Variants in MED13L observed in about 807,000 individuals in gnomAD.
MED13L encodes the protein mediator complex subunit 13L.
In MED13L, 7 loss-of-function variants were observed where a neutral mutation model predicts 220.9. The observed-to-expected ratio is 0.03, with a 90% CI of 0.02 to 0.06. The LOEUF is 0.06. MED13L is among the 10% of genes least tolerant of loss of function. The pLI is 1.00. For missense variants in MED13L, 1,965 were observed against 2,760.5 expected (o/e 0.71, Z 6.46); for synonymous variants, 1,011 against 1,015.2 (o/e 1.00, Z 0.08).
intron 2 of MED13L, among the ~76,000 whole-genome samples, chr12:116,114,242 G>T (rs1451133082): frequency 6.6e-6 from 1 of 152,166 alleles, no homozygotes; most frequent in Non-Finnish European, 1.5e-5. Context: ...GACCTTGTCA[G>T]AGGATGTCAA....
chr12:116,089,171 C>T (rs1237885817), intron 4 of MED13L, among the ~76,000 whole-genome samples: 3 of 152,154 alleles, frequency 2.0e-5, no homozygotes, highest in Admixed American at 6.5e-5. Context: ...TTTAAATCTT[C>T]TTTTAAAATC....
At chr12:116,228,421 A>T (rs982396044) in intron 2 of MED13L, among the ~76,000 whole-genome samples, 2 of 152,224 alleles carry the variant, frequency 1.3e-5, no homozygotes, top group Admixed American at 1.3e-4. Context: ...GGCTCAAGTA[A>T]TCCTCCCACC....
At chr12:115,978,649 G>T (rs1239940834) in intron 23 of MED13L, among the ~76,000 whole-genome samples, 1 of 152,122 alleles carries the variant, frequency 6.6e-6, no homozygotes, top group Non-Finnish European at 1.5e-5. Context: ...TTTTTAAAAA[G>T]AATTTCGTGA....
chr12:116,040,536 T>C (rs559104794), intron 4 of MED13L, among the ~76,000 whole-genome samples: 2 of 152,298 alleles, frequency 1.3e-5, no homozygotes, highest in East Asian at 1.9e-4. Context: ...TCAGTAGTCA[T>C]TGCCTTTCTT....
chr12:116,067,034 T>C lies in MED13L; in HGVS notation c.479+29635A>G, dbSNP rs190546709. On this transcript the variant is annotated intron_variant, in intron 4 of 30. Transcript: ENST00000281928. ...AGAAAATGATGAATGTTTCTGCGAG[T>C]GGAAATAATTGTGGAGGACAAAGTG... is the stretch of plus-strand genomic sequence containing the variant. Among the ~76,000 whole-genome samples, 524 of 151,674 alleles carry C rather than the reference T, an allele frequency of 3.5e-3. 3 individuals are homozygous for C. The highest frequency in any genetic ancestry group is 5.3e-3 in the Non-Finnish European group (363 of 67,912).
intron 4 of MED13L, among the ~76,000 whole-genome samples, chr12:116,061,526 CATAAAATAAG>C (rs1303341758): frequency 2.0e-5 from 3 of 152,100 alleles, no homozygotes; most frequent in African/African-American, 4.8e-5. Context: ...GATATATAAA[CATAAAATAAG>C]ATAAAATAAG....
chr12:116,091,770 T>C (rs1872235772), intron 4 of MED13L, among the ~76,000 whole-genome samples: 1 of 152,266 alleles, frequency 6.6e-6, no homozygotes, highest in African/African-American at 2.4e-5. Context: ...ATAGTCTTTA[T>C]AGTACATGTT....
chr12:115,970,523 GC>G, intron 27 of MED13L, 70 bp downstream of exon 27: 1 of 1,507,280 alleles, frequency 6.6e-7, no homozygotes, highest in Non-Finnish European at 9.2e-7. Context: ...CCATGCGGCA[GC>G]CCAGTGATTC....
intron 19 of MED13L, among the ~76,000 whole-genome samples, chr12:115,984,895 AG>A (rs1877582674): frequency 6.6e-6 from 1 of 152,074 alleles, no homozygotes; most frequent in African/African-American, 2.4e-5. Context: ...AAATAGGACA[AG>A]GAGATTCTGC....
chr12:115,983,458 T>A lies in MED13L; in HGVS notation c.4614A>T (p.Gly1538=). 6.2e-7 allele frequency: 1 copy of A among 1,614,188 alleles called. No individual in the cohort carries two copies. Reference sequence around the variant, plus strand: ...GCCCAGCATTCCCTGGCGTAGCTTGTCCCTGTGCTGCTGCTGGTGGGGTCT... The same window carrying A: ...GCCCAGCATTCCCTGGCGTAGCTTGACCCTGTGCTGCTGCTGGTGGGGTCT... The part of the protein sequence containing the change: ...KYQTPPAAAQ[G]QATPGNAGPL... The change falls in exon 21 of 31, where the codon GGA becomes GGT. Residue 1538 remains glycine (G), a synonymous_variant. Transcript: ENST00000281928.
chr12:116,031,751 AAAAGAAAAGAAGGAAGGAAGG>A lies in MED13L; in HGVS notation c.480-9171_480-9151del, dbSNP rs1880830073. Among the ~76,000 whole-genome samples, 10 of 31,946 alleles carry A rather than the reference AAAAGAAAAGAAGGAAGGAAGG, an allele frequency of 3.1e-4. No individual in the cohort carries two copies. The South Asian group carries it at 3.3e-3, about 11-fold the overall frequency. 21.0% of individuals were successfully genotyped at this position (31,946 alleles called of 152,430 possible). A position where few individuals can be genotyped will look rare whatever the true frequency, so the allele number is the denominator to read the frequency against. On this transcript the variant is annotated intron_variant, in intron 4 of 30. Transcript: ENST00000281928. ...AAAAGAAAAGAAAAGAAAAGAAAAG[AAAAGAAAAGAAGGAAGGAAGG>A]AAGGAAGGAAGGAAGGAAGGAAGGA... is the stretch of plus-strand genomic sequence containing the variant.
chr12:115,958,751 T>C lies in MED13L; in HGVS notation c.*2515A>G, dbSNP rs1875574131. 1 of 152,586 alleles carries C rather than the reference T, an allele frequency of 6.6e-6. No individual in the cohort carries two copies. Among genetic ancestry groups the C allele is most frequent in the African/African-American group, 2.4e-5 (1 of 41,448 alleles). 9.5% of individuals were successfully genotyped at this position (152,586 alleles called of 1,614,324 possible). ...ACTGTAGTTATTTTTTTAAATGAACTTCACATATTTTTGTATTCTTTCAAA... is the reference window on the plus strand; with the variant it reads ...ACTGTAGTTATTTTTTTAAATGAACCTCACATATTTTTGTATTCTTTCAAA... On this transcript the variant is annotated 3_prime_UTR_variant, in exon 31 of 31. Coordinates refer to ENST00000281928, the MANE Select transcript of MED13L (RefSeq NM_015335.5).
At chr12:116,008,189 GA>G (rs1879170512) in intron 10 of MED13L, 2 of 606,094 alleles carry the variant, frequency 3.3e-6, no homozygotes, top group Non-Finnish European at 5.4e-6. Context: ...ATGGCATAAA[GA>G]GTTCTTTATA....
At chr12:116,139,711 T>C (rs970952986) in intron 2 of MED13L, among the ~76,000 whole-genome samples, 1 of 152,156 alleles carries the variant, frequency 6.6e-6, no homozygotes, top group Non-Finnish European at 1.5e-5. Flanking sequence ...ATTTGCTGGA[T>C]AGGCCGCGTG....
At chr12:116,033,395 T>C (rs892453917) in intron 4 of MED13L, among the ~76,000 whole-genome samples, 2 of 152,194 alleles carry the variant, frequency 1.3e-5, no homozygotes, top group Admixed American at 6.5e-5. Flanking sequence ...ATAAAAACTA[T>C]AAAAACTTCT....
intron 25 of MED13L, among the ~76,000 whole-genome samples, chr12:115,973,585 T>C (rs111650576): frequency 2.0e-5 from 3 of 152,222 alleles, no homozygotes; most frequent in East Asian, 1.9e-4. Flanking sequence ...TATTACTCTA[T>C]ATTTTTATCC....
intron 4 of MED13L, among the ~76,000 whole-genome samples, chr12:116,067,554 A>G (rs1351023364): frequency 6.6e-6 from 1 of 152,202 alleles, no homozygotes; most frequent in Non-Finnish European, 1.5e-5. Flanking sequence ...CATTTATTAT[A>G]TATTGGATAT....
intron 12 of MED13L, 122 bp from the exon 13 acceptor site, chr12:116,006,115 A>C (rs1435802686): frequency 2.8e-6 from 4 of 1,424,872 alleles, no homozygotes; most frequent in Admixed American, 3.8e-5. Flanking sequence ...GGTTTTAGTT[A>C]AATTTAGAGA....
intron 8 of MED13L, among the ~76,000 whole-genome samples, chr12:116,014,762 T>A (rs1332404556): frequency 1.3e-5 from 2 of 152,116 alleles, no homozygotes; most frequent in Non-Finnish European, 2.9e-5. Flanking sequence ...TAGGGACGCA[T>A]TCATACATTG....
Sources: gnomAD v4.1 joint callset for allele counts (sites outside exome capture counted in the v4.1 genomes callset) on GRCh38, gnomAD v4.1.1 for gene constraint, MANE v1.5 for transcripts, NCBI Gene and HGNC (gene_info 2026-07-23, HGNC 2026-07-21) for gene names.